The following VWA2 variants were observed in gnomAD, a reference collection of about 807,000 sequenced individuals.
The protein encoded by VWA2 is von Willebrand factor A domain-containing protein 2.
A neutral mutation model predicts 70.4 loss-of-function variants in VWA2; 73 were observed. The observed-to-expected ratio is 1.04, with a 90% CI of 0.86 to 1.26. The LOEUF (loss-of-function observed/expected upper bound fraction) is 1.26. Ranked by LOEUF, VWA2 falls within the 50% of genes most tolerant of loss-of-function variation. The pLI, the probability that VWA2 is intolerant of heterozygous loss-of-function variation, is 0.00. For missense variants in VWA2, 1,011 were observed against 998.5 expected (o/e 1.01, Z -0.17); for synonymous variants, 407 against 423.3 (o/e 0.96, Z 0.47).
chr10:114,243,657 A>G (rs1004341377), intron 1 of VWA2, among the ~76,000 whole-genome samples: 2 of 152,062 alleles, frequency 1.3e-5, no homozygotes, highest in African/African-American at 4.8e-5. Flanking sequence ...TTTTCCCTAC[A>G]CTCATTTCAT....
rs1227473866 is a variant in VWA2 at position 114,293,508 on chromosome 10, C to T, written c.*2271C>T. 6.6e-6 allele frequency among the ~76,000 whole-genome samples: 1 copy of T among 152,128 alleles called. No individual in the cohort carries two copies. The highest frequency in any genetic ancestry group is 1.5e-5 in the Non-Finnish European group (1 of 68,018). On this transcript the variant is annotated 3_prime_UTR_variant, in exon 14 of 14. Coordinates refer to ENST00000392982, the MANE Select transcript of VWA2 (RefSeq NM_001272046.2). Reference sequence around the variant, plus strand: ...AACATTTTTTCCCCTTTTGTAGTGACAGTGCCACTAAATAGTTCAGCTTTT... The same window carrying T: ...AACATTTTTTCCCCTTTTGTAGTGATAGTGCCACTAAATAGTTCAGCTTTT...
At chr10:114,267,400 A>G (rs2037594426) in intron 5 of VWA2, among the ~76,000 whole-genome samples, 1 of 150,420 alleles carries the variant, frequency 6.6e-6, no homozygotes, top group Non-Finnish European at 1.5e-5. Context: ...TACAGTTGTG[A>G]GCCACCGCGC....
intron 1 of VWA2, among the ~76,000 whole-genome samples, chr10:114,241,803 T>C (rs939069383): frequency 2.0e-5 from 3 of 152,174 alleles, no homozygotes; most frequent in African/African-American, 7.2e-5. Context: ...GCAGTGCATA[T>C]ATCAGTAAAT....
chr10:114,249,052 G>A (rs532907147), intron 2 of VWA2, among the ~76,000 whole-genome samples: 9 of 152,096 alleles, frequency 5.9e-5, no homozygotes, highest in African/African-American at 2.2e-4. Context: ...CGATGTGCAG[G>A]TTCGTTACAT....
intron 4 of VWA2, among the ~76,000 whole-genome samples, chr10:114,256,255 G>A (rs2037325133): frequency 1.4e-4 from 21 of 152,226 alleles, no homozygotes; most frequent in Admixed American, 1.3e-3. Flanking sequence ...TGATGCATTC[G>A]TATATTGAAA....
At position 114,271,836 on chromosome 10, in the gene VWA2, G is replaced by A. The variant is rs199614012; in HGVS notation, c.372-904G>A. On this transcript the variant is annotated intron_variant, in intron 5 of 13. Coordinates refer to ENST00000392982, the MANE Select transcript of VWA2 (RefSeq NM_001272046.2). ...TGCTCCCACAGGGTTTTCTCTGTGT[G>A]TACTGTTGATAACCACAGTAATTCC... is the stretch of plus-strand genomic sequence containing the variant. Among the ~76,000 whole-genome samples the A allele has an allele frequency of 2.0e-5, 3 of 152,296 alleles. No individual in the cohort carries two copies. The East Asian group carries it at 5.8e-4, about 29-fold the overall frequency.
intron 5 of VWA2, 32 bp downstream of exon 5, chr10:114,261,327 G>A: frequency 1.3e-6 from 2 of 1,579,702 alleles, no homozygotes; most frequent in Non-Finnish European, 1.7e-6. Flanking sequence ...TGTGGTTAGG[G>A]TGACGCCAAC....
chr10:114,242,664 G>A (rs562049273), intron 1 of VWA2, among the ~76,000 whole-genome samples: 3 of 91,152 alleles, frequency 3.3e-5, no homozygotes, highest in South Asian at 4.8e-4. Context: ...TAGCTGAGAA[G>A]TCCTGGGCTG....
rs1423168812 is a variant in VWA2, at chr10:114,286,432, G to A, written c.1491G>A (p.Val497=). The change falls in exon 11 of 14, where the codon GTG becomes GTA. Residue 497 remains valine, a synonymous_variant. Coordinates refer to ENST00000392982, the MANE Select transcript of VWA2 (RefSeq NM_001272046.2). The part of the protein sequence containing the change: ...LEEITGSPKH[V]MVYSDPQDLF... ...AGATCACAGGCAGCCCAAAGCATGT[G>A]ATGGTCTACTCGGATCCTCAGGATC... 3 of 1,613,602 alleles carry A rather than the reference G, an allele frequency of 1.9e-6. No homozygotes were observed. Among genetic ancestry groups the A allele is most frequent in the African/African-American group, 1.3e-5 (1 of 75,076 alleles).
chr10:114,239,809 C>T (rs1162706501), intron 1 of VWA2, among the ~76,000 whole-genome samples: 1 of 152,202 alleles, frequency 6.6e-6, no homozygotes, highest in Non-Finnish European at 1.5e-5. Context: ...GCGCCTCCCT[C>T]GTGGCCACTC....
At chr10:114,257,075 G>A (rs1458856029) in intron 4 of VWA2, among the ~76,000 whole-genome samples, 1 of 152,078 alleles carries the variant, frequency 6.6e-6, no homozygotes, top group Non-Finnish European at 1.5e-5. Flanking sequence ...AAACATACAT[G>A]GCTTTTAATG....
In VWA2 at chr10:114,260,471, G is replaced by A. The variant is rs142977807; in HGVS notation, c.262-715G>A. Among the ~76,000 whole-genome samples the A allele has an allele frequency of 1.7e-4, 26 of 152,330 alleles. No homozygotes were observed. In the East Asian group the frequency reaches 4.4e-3, roughly 26 times the overall value. Reference sequence around the variant, plus strand: ...TGGCCTTTCCTCTAGCTTGGCAGGGGCAGGTCTGGCGGGGCTGACCACCCA... The same window carrying A: ...TGGCCTTTCCTCTAGCTTGGCAGGGACAGGTCTGGCGGGGCTGACCACCCA... On this transcript the variant is annotated intron_variant, in intron 4 of 13. Transcript: ENST00000392982.
intron 4 of VWA2, among the ~76,000 whole-genome samples, chr10:114,258,217 C>T (rs2037371164): frequency 6.6e-6 from 1 of 152,124 alleles, no homozygotes; most frequent in Non-Finnish European, 1.5e-5. Flanking sequence ...TTTGTATTCT[C>T]TTTTTGTTGT....
chr10:114,292,862 T>C lies in VWA2; in HGVS notation c.*1625T>C, dbSNP rs2039728776. Among the ~76,000 whole-genome samples, 1 of 152,030 alleles carries C rather than the reference T, an allele frequency of 6.6e-6. No homozygotes were observed. The highest frequency in any genetic ancestry group is 1.5e-5 in the Non-Finnish European group (1 of 67,996). On this transcript the variant is annotated 3_prime_UTR_variant, in exon 14 of 14. Transcript: ENST00000392982. Reference sequence around the variant, plus strand: ...CTGGGATTAGAGGCAGGTGCCACCATGCCTAGCTAATTTTTGTATTTTTAG... The same window carrying C: ...CTGGGATTAGAGGCAGGTGCCACCACGCCTAGCTAATTTTTGTATTTTTAG...
rs759741777 is a variant in VWA2, at chr10:114,273,661, TG to T, written c.566+730del. 6.6e-5 allele frequency among the ~76,000 whole-genome samples: 10 copies of T among 152,334 alleles called. No homozygotes were observed. In the East Asian group the frequency reaches 1.9e-3, roughly 29 times the overall value. Reference sequence around the variant, plus strand: ...AGCGTTAAGTGAAATGACTCTGGTCTGGGCACTGTGTTTGCACACAGAAATC... The same window carrying T: ...AGCGTTAAGTGAAATGACTCTGGTCTGGCACTGTGTTTGCACACAGAAATC... On this transcript the variant is annotated intron_variant, in intron 6 of 13. Coordinates refer to ENST00000392982, the MANE Select transcript of VWA2 (RefSeq NM_001272046.2).
At chr10:114,245,473 C>T (rs879590814) in intron 1 of VWA2, among the ~76,000 whole-genome samples, 3 of 152,184 alleles carry the variant, frequency 2.0e-5, no homozygotes, top group African/African-American at 4.8e-5. Context: ...GCTGTAACTC[C>T]GTAAAATCGT....
intron 11 of VWA2, among the ~76,000 whole-genome samples, chr10:114,287,854 T>A (rs2039102922): frequency 6.6e-6 from 1 of 152,180 alleles, no homozygotes; most frequent in Non-Finnish European, 1.5e-5. Flanking sequence ...ATTTAGTGAA[T>A]CCATGCTTAT....
At chr10:114,268,080 C>T (rs1178812216) in intron 5 of VWA2, among the ~76,000 whole-genome samples, 1 of 152,132 alleles carries the variant, frequency 6.6e-6, no homozygotes, top group African/African-American at 2.4e-5. Flanking sequence ...TTTCTTTCCC[C>T]TTTTAACATG....
intron 4 of VWA2, among the ~76,000 whole-genome samples, chr10:114,258,246 T>C (rs2037371876): frequency 6.6e-6 from 1 of 152,254 alleles, no homozygotes; most frequent in South Asian, 2.1e-4. Flanking sequence ...ACAAGGCATT[T>C]CATTCGTGCC....
Sources: gnomAD v4.1 joint callset for allele counts (sites outside exome capture counted in the v4.1 genomes callset) on GRCh38, gnomAD v4.1.1 for gene constraint, MANE v1.5 for transcripts, NCBI Gene and HGNC (gene_info 2026-07-23, HGNC 2026-07-21) for gene names.